RASSF5: variants seen among roughly 807,000 people sequenced by gnomAD.
The protein encoded by RASSF5 is ras association domain-containing protein 5.
In RASSF5, 25 loss-of-function variants were observed where a neutral mutation model predicts 40.5. The observed-to-expected ratio is 0.62, with a 90% CI of 0.45 to 0.86. The LOEUF is 0.86. RASSF5 is among the 40% of genes least tolerant of loss of function. The pLI is 0.00. For missense variants in RASSF5, 521 were observed against 572.8 expected (o/e 0.91, Z 0.92); for synonymous variants, 246 against 252.4 (o/e 0.97, Z 0.24).
intron 2 of RASSF5, among the ~76,000 whole-genome samples, chr1:206,565,776 G>T (rs1246230108): frequency 6.6e-6 from 1 of 152,176 alleles, no homozygotes; most frequent in African/African-American, 2.4e-5. Flanking sequence ...AACAGGAATT[G>T]CCCACGAGGG....
At chr1:206,519,536 T>C (rs182987546) in intron 1 of RASSF5, among the ~76,000 whole-genome samples, 53 of 152,342 alleles carry the variant, frequency 3.5e-4, no homozygotes, top group African/African-American at 9.4e-4. Context: ...GTCATTGCCA[T>C]CTGGCTGGGT....
intron 1 of RASSF5, among the ~76,000 whole-genome samples, chr1:206,532,033 C>T (rs1218667391): frequency 1.3e-5 from 2 of 149,524 alleles, no homozygotes; most frequent in African/African-American, 5.0e-5. Context: ...GCCTGGGCAA[C>T]AGGGTGAGAC....
chr1:206,565,548 T>C (rs562005288), intron 2 of RASSF5, among the ~76,000 whole-genome samples: 1 of 152,342 alleles, frequency 6.6e-6, no homozygotes, highest in South Asian at 2.1e-4. Flanking sequence ...ATGGGGTTTC[T>C]GTACTTGAAG....
In RASSF5 at chr1:206,565,430, T is replaced by A. The variant is rs1553403248; in HGVS notation, c.580-17839T>A. Among the ~76,000 whole-genome samples, 3 of 152,228 alleles carry A rather than the reference T, an allele frequency of 2.0e-5. 1 individual carries two copies. Reference sequence around the variant, plus strand: ...GAAGCCCATACTTGGTTCTCCCTCTTTAGTACAGCGTCCAAACTCTGCAGC... The same window carrying A: ...GAAGCCCATACTTGGTTCTCCCTCTATAGTACAGCGTCCAAACTCTGCAGC... On this transcript the variant is annotated intron_variant, in intron 2 of 5. Coordinates refer to ENST00000579436, the MANE Select transcript of RASSF5 (RefSeq NM_182663.4).
chr1:206,580,290 G>A (rs1668818926), intron 2 of RASSF5, among the ~76,000 whole-genome samples: 1 of 152,220 alleles, frequency 6.6e-6, no homozygotes. Flanking sequence ...ACGGGGAAAT[G>A]GCTCTAGCTT....
Position 206,556,188 on chromosome 1 carries a change from A to T in RASSF5, c.579+17895A>T, listed in dbSNP as rs1553401736. On this transcript the variant is annotated intron_variant, in intron 2 of 5. Coordinates refer to ENST00000579436, the MANE Select transcript of RASSF5 (RefSeq NM_182663.4). Reference sequence around the variant, plus strand: ...GCAAAGTGCCCACCCAAATAGCCTCATCATTGCTGAGGGTCTGTACATGAC... The same window carrying T: ...GCAAAGTGCCCACCCAAATAGCCTCTTCATTGCTGAGGGTCTGTACATGAC... Among the ~76,000 whole-genome samples, 3 of 152,204 alleles carry T rather than the reference A, an allele frequency of 2.0e-5. No homozygotes were observed. The East Asian group carries it at 5.8e-4, about 29-fold the overall frequency.
intron 1 of RASSF5, 128 bp from the exon 2 acceptor site, chr1:206,538,044 C>G: frequency 1.5e-6 from 2 of 1,332,728 alleles, no homozygotes; most frequent in East Asian, 4.6e-5. Context: ...TGTCTCCCGC[C>G]CCACCACTTC....
chr1:206,547,508 C>T (rs1224292618), intron 2 of RASSF5, among the ~76,000 whole-genome samples: 1 of 151,944 alleles, frequency 6.6e-6, no homozygotes. Flanking sequence ...TGTCTCCCAT[C>T]ACCCCCAGAT....
chr1:206,541,186 C>T (rs1246811819), intron 2 of RASSF5, among the ~76,000 whole-genome samples: 8 of 152,190 alleles, frequency 5.3e-5, no homozygotes, highest in African/African-American at 1.4e-4. Flanking sequence ...TGAGCCACTG[C>T]GCCCGGCCCT....
rs11119102 is a variant in RASSF5 at position 206,589,352 on chromosome 1, C to T, written c.*2374C>T. 0.076 allele frequency: 11,676 copies of T among 152,768 alleles called. 502 individuals carry two copies. The highest frequency in any genetic ancestry group is 0.12 in the East Asian group (660 of 5,322). 9.5% of individuals were successfully genotyped at this position (152,768 alleles called of 1,614,324 possible). ...GCGGGGGAGAGAGGGTGAGAATGGACATGATCACATGCTTCCTGGTGGAGT... is the reference window on the plus strand; with the variant it reads ...GCGGGGGAGAGAGGGTGAGAATGGATATGATCACATGCTTCCTGGTGGAGT... On this transcript the variant is annotated 3_prime_UTR_variant, in exon 6 of 6. Coordinates refer to ENST00000579436, the MANE Select transcript of RASSF5 (RefSeq NM_182663.4).
At chr1:206,522,113 C>G (rs1233497857) in intron 1 of RASSF5, among the ~76,000 whole-genome samples, 2 of 152,012 alleles carry the variant, frequency 1.3e-5, no homozygotes, top group Non-Finnish European at 2.9e-5. Context: ...CTTTACTGAG[C>G]TTTCTCTCTC....
intron 1 of RASSF5, among the ~76,000 whole-genome samples, chr1:206,537,288 T>C (rs991773613): frequency 3.9e-5 from 6 of 152,204 alleles, no homozygotes; most frequent in African/African-American, 9.7e-5. Context: ...ACATTGTCGA[T>C]GGAATGTGCT....
chr1:206,515,813 G>T (rs892351971), intron 1 of RASSF5, among the ~76,000 whole-genome samples: 1 of 152,164 alleles, frequency 6.6e-6, no homozygotes, highest in Non-Finnish European at 1.5e-5. Context: ...AAGTTGAATG[G>T]AAGTTGGAGA....
At position 206,585,586 on chromosome 1, in the gene RASSF5, C is replaced by T; in HGVS notation, c.1104+291C>T. The T allele has an allele frequency of 1.2e-5, 3 of 258,312 alleles. No homozygotes were observed. In the South Asian group the frequency reaches 2.1e-4, roughly 18 times the overall value. 16.0% of individuals were successfully genotyped at this position (258,312 alleles called of 1,614,324 possible). A position where few individuals can be genotyped will look rare whatever the true frequency, so the allele number is the denominator to read the frequency against. ...CAGGGAGGAGGGGGACCAAGAAACT[C>T]CCTGTGCTCAGGCACAGGCTGTTTT... On this transcript the variant is annotated intron_variant, in intron 5 of 5. Transcript: ENST00000579436.
intron 1 of RASSF5, among the ~76,000 whole-genome samples, chr1:206,516,478 A>C (rs1666747334): frequency 6.6e-6 from 1 of 151,192 alleles, no homozygotes; most frequent in Non-Finnish European, 1.5e-5. Flanking sequence ...TTTTTTTGAG[A>C]TGGAGTCTCG....
rs1553401100 is a variant in RASSF5, at chr1:206,552,080, C to G, written c.579+13787C>G. 6.6e-6 allele frequency among the ~76,000 whole-genome samples: 1 copy of G among 152,220 alleles called. No homozygotes were observed. Among genetic ancestry groups the G allele is most frequent in the Admixed American group, 6.5e-5 (1 of 15,288 alleles). On this transcript the variant is annotated intron_variant, in intron 2 of 5. Coordinates refer to ENST00000579436, the MANE Select transcript of RASSF5 (RefSeq NM_182663.4). The surrounding 1 kb of genome is among the most constrained non-coding windows in gnomAD (Gnocchi z 4.1). ...CAGCTATCTTCAGTAGGTTCAGTGT[C>G]AAGGCCTATCGAAGCTGTTAGCCTG...
chr1:206,510,487 G>A (rs1553394504), intron 1 of RASSF5, among the ~76,000 whole-genome samples: 1 of 152,148 alleles, frequency 6.6e-6, no homozygotes, highest in African/African-American at 2.4e-5. Context: ...AATGCAATAC[G>A]AATGTTTAAT....
intron 2 of RASSF5, among the ~76,000 whole-genome samples, chr1:206,580,117 C>A (rs1191774346): frequency 5.9e-5 from 9 of 152,182 alleles, no homozygotes; most frequent in African/African-American, 2.2e-4. Flanking sequence ...CCTGTGGCCA[C>A]TTGCGTCACT....
intron 1 of RASSF5, among the ~76,000 whole-genome samples, chr1:206,519,138 C>G (rs2103505439): frequency 6.6e-6 from 1 of 152,254 alleles, no homozygotes; most frequent in Non-Finnish European, 1.5e-5. Context: ...CAGTCCTCGC[C>G]TGAAGAAGGA....
Sources: allele counts gnomAD v4.1 joint callset (sites outside exome capture counted in the v4.1 genomes callset), GRCh38; gene constraint gnomAD v4.1.1; non-coding constraint Gnocchi (gnomAD v3.1); transcripts MANE v1.5; gene names NCBI Gene and HGNC (gene_info 2026-07-23, HGNC 2026-07-21).